The following PARD3 variants were observed in gnomAD, a reference collection of about 807,000 sequenced individuals.
The protein encoded by PARD3 is par-3 family cell polarity regulator.
A neutral mutation model predicts 155.4 loss-of-function variants in PARD3; 75 were observed. That is an observed-to-expected ratio of 0.48 (90% CI 0.40 to 0.58). The LOEUF is 0.58. Ranked by LOEUF, PARD3 falls within the 20% of genes least tolerant of loss-of-function variation. The probability of loss-of-function intolerance (pLI) is 0.00; values close to 1 mark genes in which losing one functional copy is unlikely to be tolerated. For missense variants in PARD3, 1,642 were observed against 1,721.7 expected (o/e 0.95, Z 0.82); for synonymous variants, 576 against 610.5 (o/e 0.94, Z 0.83).
chr10:34,242,394 G>A (rs1346933100), intron 22 of PARD3, among the ~76,000 whole-genome samples: 1 of 152,024 alleles, frequency 6.6e-6, no homozygotes, highest in Non-Finnish European at 1.5e-5. Context: ...TCACATGTGA[G>A]AGGACATCCG....
intron 2 of PARD3, among the ~76,000 whole-genome samples, chr10:34,583,322 C>G (rs989039765): frequency 5.9e-5 from 9 of 152,068 alleles, no homozygotes; most frequent in African/African-American, 2.2e-4. Flanking sequence ...AAATGGACAT[C>G]TAAGTGTTCT....
intron 16 of PARD3, among the ~76,000 whole-genome samples, chr10:34,337,920 G>C (rs1836369155): frequency 6.6e-6 from 1 of 152,172 alleles, no homozygotes; most frequent in Admixed American, 6.5e-5. Flanking sequence ...ATGCCATTAT[G>C]GCATGCCATT....
chr10:34,187,370 C>T (rs900710992), intron 22 of PARD3, among the ~76,000 whole-genome samples: 1 of 152,124 alleles, frequency 6.6e-6, no homozygotes, highest in Admixed American at 6.5e-5. Context: ...CAGGCCAGAG[C>T]CCACACATTC....
At chr10:34,477,390 G>A (rs1274684306) in intron 3 of PARD3, among the ~76,000 whole-genome samples, 1 of 152,182 alleles carries the variant, frequency 6.6e-6, no homozygotes, top group Non-Finnish European at 1.5e-5. Context: ...AGCACAGAGC[G>A]ACTGGTGCGA....
chr10:34,518,440 A>G (rs1022620770), intron 2 of PARD3, among the ~76,000 whole-genome samples: 3 of 152,180 alleles, frequency 2.0e-5, no homozygotes, highest in African/African-American at 7.2e-5. Context: ...ACACATGGTA[A>G]GCCTGGAATG....
chr10:34,146,259 G>C (rs1948499980), intron 22 of PARD3, among the ~76,000 whole-genome samples: 1 of 152,052 alleles, frequency 6.6e-6, no homozygotes, highest in African/African-American at 2.4e-5. Context: ...GTCTTTTCAA[G>C]AATAAAACTG....
intron 2 of PARD3, among the ~76,000 whole-genome samples, chr10:34,636,059 G>A (rs956057292): frequency 6.6e-6 from 1 of 151,650 alleles, no homozygotes; most frequent in African/African-American, 2.4e-5. Flanking sequence ...AAGAAGAAAG[G>A]AAGGAAGAAG....
intron 20 of PARD3, among the ~76,000 whole-genome samples, chr10:34,297,175 C>T (rs780126536): frequency 2.6e-5 from 4 of 152,014 alleles, no homozygotes; most frequent in Admixed American, 6.6e-5. Flanking sequence ...CGGTGGCGCA[C>T]GCCTGTCGTC....
chr10:34,442,973 G>A (rs367846817), intron 5 of PARD3, among the ~76,000 whole-genome samples: 9 of 151,012 alleles, frequency 6.0e-5, no homozygotes, highest in Non-Finnish European at 8.9e-5. Context: ...TCAGGGAAAT[G>A]AGATTTTTTT....
At chr10:34,717,851 A>G (rs898497808) in intron 1 of PARD3, among the ~76,000 whole-genome samples, 1 of 152,192 alleles carries the variant, frequency 6.6e-6, no homozygotes, top group Admixed American at 6.5e-5. Flanking sequence ...CTGTTCTACA[A>G]CACTTAAATA....
rs1039198101 is a variant in PARD3, at chr10:34,350,643, G to A, written c.2068-2528C>T. 3.3e-3 allele frequency among the ~76,000 whole-genome samples: 466 copies of A among 143,278 alleles called. 3 individuals carry two copies. The highest frequency in any genetic ancestry group is 3.7e-3 in the Non-Finnish European group (244 of 66,462). 94.0% of individuals were successfully genotyped at this position (143,278 alleles called of 152,430 possible). A position where few individuals can be genotyped will look rare whatever the true frequency, so the allele number is the denominator to read the frequency against. ...GAGACTCCATCTTGGCGGGGGGGGAGGGGGGGTGGTAGAATTAAGCTTCAT... is the reference window on the plus strand; with the variant it reads ...GAGACTCCATCTTGGCGGGGGGGGAAGGGGGGTGGTAGAATTAAGCTTCAT... On this transcript the variant is annotated intron_variant, in intron 14 of 24. Coordinates refer to ENST00000374788, the MANE Select transcript of PARD3 (RefSeq NM_001184785.2).
At chr10:34,256,952 T>C in intron 22 of PARD3, among the ~76,000 whole-genome samples, 1 of 152,224 alleles carries the variant, frequency 6.6e-6, no homozygotes, top group East Asian at 1.9e-4. Context: ...ACACCTGTTT[T>C]AATGAAAAAT....
intron 2 of PARD3, among the ~76,000 whole-genome samples, chr10:34,671,985 G>A (rs1287336181): frequency 6.6e-6 from 1 of 151,656 alleles, no homozygotes; most frequent in East Asian, 1.9e-4. Context: ...GATCAGCCTG[G>A]GCAACATAGG....
chr10:34,783,368 GC>G (rs1350324626), intron 1 of PARD3, among the ~76,000 whole-genome samples: 1 of 151,932 alleles, frequency 6.6e-6, no homozygotes, highest in Admixed American at 6.6e-5. Flanking sequence ...ACTTTCGGAG[GC>G]CGAGGCGGGC....
chr10:34,161,672 A>G (rs979389905), intron 22 of PARD3, among the ~76,000 whole-genome samples: 1 of 152,188 alleles, frequency 6.6e-6, no homozygotes, highest in African/African-American at 2.4e-5. Context: ...AACATAAAAG[A>G]ACAAAAAGGA....
intron 2 of PARD3, among the ~76,000 whole-genome samples, chr10:34,688,339 C>A (rs923571640): frequency 6.6e-6 from 1 of 152,134 alleles, no homozygotes. Context: ...AGGGAAGGTC[C>A]TCAAATAATA....
At chr10:34,585,774 A>C (rs1286999296) in intron 2 of PARD3, among the ~76,000 whole-genome samples, 1 of 152,160 alleles carries the variant, frequency 6.6e-6, no homozygotes, top group Admixed American at 6.5e-5. Context: ...GAAAACTGAA[A>C]AGTATGTAAA....
chr10:34,640,128 C>T (rs2092622826), intron 2 of PARD3, among the ~76,000 whole-genome samples: 1 of 152,156 alleles, frequency 6.6e-6, no homozygotes, highest in Admixed American at 6.5e-5. Context: ...ACAAGCGAGG[C>T]TACAGCAATG....
intron 22 of PARD3, among the ~76,000 whole-genome samples, chr10:34,201,703 G>T (rs1198194312): frequency 6.6e-6 from 1 of 152,062 alleles, no homozygotes; most frequent in Non-Finnish European, 1.5e-5. Context: ...GCAACTCTAG[G>T]GTATGTTAAA....
Sources: allele counts gnomAD v4.1 joint callset (sites outside exome capture counted in the v4.1 genomes callset), GRCh38; gene constraint gnomAD v4.1.1; transcripts MANE v1.5; gene names NCBI Gene and HGNC (gene_info 2026-07-23, HGNC 2026-07-21).